MEF2C: variants seen among roughly 807,000 people sequenced by gnomAD.
MEF2C encodes myocyte enhancer factor 2C.
MEF2C carries 6 observed loss-of-function variants against 50.5 expected under a neutral mutation model. The ratio of observed to expected loss-of-function variants is 0.12; its 90% CI spans 0.07 to 0.23. The LOEUF (loss-of-function observed/expected upper bound fraction) is 0.23, where lower values mean the gene tolerates loss of function less well. Ranked by LOEUF, MEF2C falls within the 10% of genes least tolerant of loss-of-function variation. The pLI, the probability that MEF2C is intolerant of heterozygous loss-of-function variation, is 1.00. For missense variants in MEF2C, 276 were observed against 605.0 expected (o/e 0.46, Z 5.70); for synonymous variants, 183 against 228.0 (o/e 0.80, Z 1.78).
At chr5:88,824,322 A>G (rs1214850475) in intron 1 of MEF2C, 3 of 985,044 alleles carry the variant, frequency 3.0e-6, no homozygotes, top group Non-Finnish European at 3.6e-6. Flanking sequence ...GTGTATGCTA[A>G]GTAGGGCAGC....
intron 1 of MEF2C, chr5:88,843,244 A>G (rs945993869): frequency 2.8e-6 from 2 of 710,604 alleles, no homozygotes; most frequent in African/African-American, 3.9e-5. Context: ...TAAAAAAAAA[A>G]GCATTTCTAT....
intron 6 of MEF2C, chr5:88,734,565 GTTTTTTTTTTTT>G (rs66505441): frequency 4.2e-4 from 226 of 541,936 alleles, no homozygotes; most frequent in Middle Eastern, 1.2e-3. Flanking sequence ...AGAAAAGTTT[GTTTTTTTTTTTT>G]TTTTTTTTTT....
intron 3 of MEF2C, among the ~76,000 whole-genome samples, chr5:88,774,881 CTTTA>C (rs1179123507): frequency 2.0e-5 from 3 of 152,160 alleles, no homozygotes; most frequent in Non-Finnish European, 4.4e-5. Flanking sequence ...CAGTGGCTTT[CTTTA>C]TTTAAACTCG....
At chr5:88,813,445 GC>G (rs1221505788) in intron 2 of MEF2C, among the ~76,000 whole-genome samples, 1 of 151,968 alleles carries the variant, frequency 6.6e-6, no homozygotes, top group Non-Finnish European at 1.5e-5. Context: ...CCACACGCCT[GC>G]CCCCTCCCTC....
chr5:88,733,397 T>C (rs929901352), intron 6 of MEF2C: 1 of 984,952 alleles, frequency 1.0e-6, no homozygotes, highest in Non-Finnish European at 1.2e-6. Context: ...TCCTTGGGTT[T>C]ATATGGTGGA....
At chr5:88,748,190 C>T (rs910962555) in intron 6 of MEF2C, 2 of 983,400 alleles carry the variant, frequency 2.0e-6, no homozygotes, top group African/African-American at 3.5e-5. Flanking sequence ...TTATAATTAG[C>T]AGGCTATTCT....
At chr5:88,879,972 C>T (rs1396756213) in intron 1 of MEF2C, among the ~76,000 whole-genome samples, 1 of 151,882 alleles carries the variant, frequency 6.6e-6, no homozygotes, top group Admixed American at 6.6e-5. Flanking sequence ...TTTTGTGAAT[C>T]ACCTCTGTAA....
intron 1 of MEF2C, among the ~76,000 whole-genome samples, chr5:88,854,810 T>G (rs571501799): frequency 1.3e-5 from 2 of 152,212 alleles, no homozygotes; most frequent in African/African-American, 2.4e-5. Flanking sequence ...CACACAGACC[T>G]TGAGAATCAT....
intron 2 of MEF2C, among the ~76,000 whole-genome samples, chr5:88,805,736 T>G (rs1052862004): frequency 6.7e-6 from 1 of 148,732 alleles, no homozygotes; most frequent in African/African-American, 2.5e-5. Context: ...AATGCAAAAA[T>G]ACATTTCACT....
intron 6 of MEF2C, chr5:88,734,560 AGTTTGTT>A: frequency 8.4e-5 from 45 of 534,808 alleles, no homozygotes; most frequent in Non-Finnish European, 9.5e-5. Flanking sequence ...CCTTGAGAAA[AGTTTGTT>A]TTTTTTTTTT....
At chr5:88,801,019 C>A (rs1027706888) in intron 3 of MEF2C, among the ~76,000 whole-genome samples, 20 of 152,156 alleles carry the variant, frequency 1.3e-4, no homozygotes, top group African/African-American at 4.8e-4. Context: ...TTACGCAGAG[C>A]TTTTTTGCTA....
chr5:88,853,067 GA>G (rs1821975107), intron 1 of MEF2C, among the ~76,000 whole-genome samples: 1 of 152,070 alleles, frequency 6.6e-6, no homozygotes, highest in Non-Finnish European at 1.5e-5. Context: ...CTGTAAAACT[GA>G]AAAAAATTAA....
At chr5:88,751,341 A>C in intron 5 of MEF2C, 1 of 981,772 alleles carries the variant, frequency 1.0e-6, no homozygotes. Context: ...TTTATTTCAC[A>C]TGTCTTACAA....
At chr5:88,841,277 A>T (rs1271347655) in intron 1 of MEF2C, among the ~76,000 whole-genome samples, 1 of 152,148 alleles carries the variant, frequency 6.6e-6, no homozygotes, top group East Asian at 1.9e-4. Flanking sequence ...TGGGAGGCTG[A>T]GGCAGATGGA....
At chr5:88,786,441 A>G (rs1011025974) in intron 3 of MEF2C, among the ~76,000 whole-genome samples, 1 of 151,532 alleles carries the variant, frequency 6.6e-6, no homozygotes, top group Non-Finnish European at 1.5e-5. Context: ...CAGATGTATC[A>G]TGTTTTAGAA....
At chr5:88,873,344 G>T (rs989754810) in intron 1 of MEF2C, among the ~76,000 whole-genome samples, 1 of 152,044 alleles carries the variant, frequency 6.6e-6, no homozygotes, top group Non-Finnish European at 1.5e-5. Context: ...CAAGTGTAAG[G>T]AGGTAAGTTA....
intron 3 of MEF2C, chr5:88,771,362 T>A (rs1417177427): frequency 1.2e-6 from 1 of 841,362 alleles, no homozygotes; most frequent in Non-Finnish European, 1.4e-6. Flanking sequence ...ACTCCTCCTC[T>A]CAGTTACACA....
chr5:88,833,770 G>A (rs547738846), intron 1 of MEF2C, among the ~76,000 whole-genome samples: 11 of 152,176 alleles, frequency 7.2e-5, no homozygotes, highest in Non-Finnish European at 1.5e-4. Context: ...ACTGATAATG[G>A]CTACTACGAT....
chr5:88,739,139 T>A (rs1280034505), intron 6 of MEF2C: 6 of 985,090 alleles, frequency 6.1e-6, no homozygotes, highest in African/African-American at 1.7e-5. Flanking sequence ...TTTTTTAGTA[T>A]CTGCGATTAG....
Sources: allele counts gnomAD v4.1 joint callset (sites outside exome capture counted in the v4.1 genomes callset), GRCh38; gene constraint gnomAD v4.1.1; transcripts MANE v1.5; gene names NCBI Gene and HGNC (gene_info 2026-07-23, HGNC 2026-07-21).